The following WWOX variants were observed in gnomAD, a reference collection of about 807,000 sequenced individuals.
WWOX encodes WW domain containing oxidoreductase, also known as WW domain-containing oxidoreductase.
WWOX carries 69 observed loss-of-function variants against 46.2 expected under a neutral mutation model. The observed-to-expected ratio is 1.49, with a 90% CI of 1.23 to 1.82. The LOEUF (loss-of-function observed/expected upper bound fraction) is 1.82, where lower values mean the gene tolerates loss of function less well. WWOX is among the 40% of genes most tolerant of loss of function. The pLI is 0.00. For missense variants in WWOX, 919 were observed against 542.6 expected (o/e 1.69, Z -6.89); for synonymous variants, 359 against 202.6 (o/e 1.77, Z -6.56).
At chr16:79,048,462 A>G (rs780699557) in intron 8 of WWOX, among the ~76,000 whole-genome samples, 108 of 152,146 alleles carry the variant, frequency 7.1e-4, no homozygotes, top group Non-Finnish European at 1.4e-3. Flanking sequence ...ACGTGTGTCT[A>G]TTATGAGCTC....
rs942732753 is a variant in WWOX, at chr16:78,367,386, T to G, written c.517-19474T>G. On this transcript the variant is annotated intron_variant, in intron 5 of 8. Transcript: ENST00000566780. Reference sequence around the variant, plus strand: ...GCCCAACACAAATGTATAAACTTGCTTAAAACATGATGAGATATTTTTTGC... The same window carrying G: ...GCCCAACACAAATGTATAAACTTGCGTAAAACATGATGAGATATTTTTTGC... Among the ~76,000 whole-genome samples, 7 of 142,712 alleles carry G rather than the reference T, an allele frequency of 4.9e-5. 1 individual carries two copies. Among genetic ancestry groups the G allele is most frequent in the Non-Finnish European group, 1.5e-5 (1 of 66,236 alleles). The allele number at this position is 142,712 out of a possible 152,430, so 93.6% of individuals were successfully genotyped here. A position where few individuals can be genotyped will look rare whatever the true frequency, so the allele number is the denominator to read the frequency against.
At chr16:78,815,797 G>C (rs1488761677) in intron 8 of WWOX, among the ~76,000 whole-genome samples, 1 of 152,198 alleles carries the variant, frequency 6.6e-6, no homozygotes, top group Non-Finnish European at 1.5e-5. Context: ...CAGTGTTTCA[G>C]TGACCCTCCT....
intron 5 of WWOX, among the ~76,000 whole-genome samples, chr16:78,208,250 G>C (rs1435053851): frequency 6.6e-6 from 1 of 152,152 alleles, no homozygotes; most frequent in Non-Finnish European, 1.5e-5. Context: ...CCAAAAAGCT[G>C]TCTTTGATAA....
chr16:78,145,671 TCAATC>T (rs1475285421), intron 4 of WWOX, among the ~76,000 whole-genome samples: 2 of 152,102 alleles, frequency 1.3e-5, no homozygotes, highest in African/African-American at 4.8e-5. Flanking sequence ...CTTGCATCCT[TCAATC>T]CAATCACATT....
intron 5 of WWOX, among the ~76,000 whole-genome samples, chr16:78,320,465 C>G (rs369414064): frequency 3.3e-5 from 5 of 152,130 alleles, no homozygotes; most frequent in East Asian, 3.9e-4. Context: ...CTAGCTGTTT[C>G]CAGAAATAGT....
rs527813199 is a variant in WWOX, at chr16:78,991,313, G to A, written c.1057-220295G>A. 2.8e-4 allele frequency among the ~76,000 whole-genome samples: 43 copies of A among 152,298 alleles called. 1 individual carries two copies. Among genetic ancestry groups the A allele is most frequent in the African/African-American group, 7.0e-4 (29 of 41,570 alleles). Reference sequence around the variant, plus strand: ...GAGTCCATGTTAAATCCAGGTCCCAGCCAGGCACAGTGGCTCACGCCTGTA... The same window carrying A: ...GAGTCCATGTTAAATCCAGGTCCCAACCAGGCACAGTGGCTCACGCCTGTA... On this transcript the variant is annotated intron_variant, in intron 8 of 8. Coordinates refer to ENST00000566780, the MANE Select transcript of WWOX (RefSeq NM_016373.4).
intron 8 of WWOX, among the ~76,000 whole-genome samples, chr16:78,847,392 A>G (rs1159921572): frequency 6.6e-6 from 1 of 152,168 alleles, no homozygotes; most frequent in Admixed American, 6.5e-5. Context: ...TCATATATTT[A>G]TAACATATCA....
chr16:78,602,546 C>A (rs201591562), intron 8 of WWOX, among the ~76,000 whole-genome samples: 1 of 152,062 alleles, frequency 6.6e-6, no homozygotes, highest in Non-Finnish European at 1.5e-5. Flanking sequence ...CTCGATAGAT[C>A]TTATTTGGCT....
chr16:78,433,740 C>T (rs1007825977), intron 8 of WWOX, among the ~76,000 whole-genome samples: 4 of 151,390 alleles, frequency 2.6e-5, no homozygotes, highest in Non-Finnish European at 4.4e-5. Context: ...TACACTCATT[C>T]CCACCTGCCA....
chr16:78,628,135 G>T (rs766077629), intron 8 of WWOX, among the ~76,000 whole-genome samples: 1 of 152,194 alleles, frequency 6.6e-6, no homozygotes, highest in South Asian at 2.1e-4. Context: ...CCGAGGATCT[G>T]CTTCCTTTGT....
At chr16:78,899,804 G>A (rs902109013) in intron 8 of WWOX, among the ~76,000 whole-genome samples, 1 of 152,124 alleles carries the variant, frequency 6.6e-6, no homozygotes, top group Non-Finnish European at 1.5e-5. Flanking sequence ...TATTTGTGTT[G>A]TAGCTTGGAA....
intron 8 of WWOX, among the ~76,000 whole-genome samples, chr16:79,196,888 T>C (rs1031550733): frequency 2.0e-5 from 3 of 152,182 alleles, no homozygotes; most frequent in East Asian, 1.9e-4. Context: ...ATCCTGGCAA[T>C]GCATTTCGGG....
chr16:78,674,302 C>G (rs564501693), intron 8 of WWOX, among the ~76,000 whole-genome samples: 174 of 116,570 alleles, frequency 1.5e-3, no homozygotes, highest in African/African-American at 5.2e-3. Context: ...TTTCTTTTTT[C>G]GAGAAAGAGT....
At chr16:79,012,296 A>C (rs978646383) in intron 8 of WWOX, among the ~76,000 whole-genome samples, 2 of 151,968 alleles carry the variant, frequency 1.3e-5, no homozygotes, top group African/African-American at 2.4e-5. Context: ...GCAGTGGTGC[A>C]ATCTCGACTC....
chr16:79,139,425 A>T (rs915703912), intron 8 of WWOX, among the ~76,000 whole-genome samples: 1 of 152,190 alleles, frequency 6.6e-6, no homozygotes, highest in Non-Finnish European at 1.5e-5. Flanking sequence ...CCTGCAGTTA[A>T]TTTGACATCT....
chr16:78,982,935 G>C (rs1330147557), intron 8 of WWOX, among the ~76,000 whole-genome samples: 1 of 152,158 alleles, frequency 6.6e-6, no homozygotes, highest in Non-Finnish European at 1.5e-5. Flanking sequence ...ATTACCCTGA[G>C]CAGATTGCAT....
Position 79,055,745 on chromosome 16 carries a change from G to A in WWOX, c.1057-155863G>A, listed in dbSNP as rs114331782. On this transcript the variant is annotated intron_variant, in intron 8 of 8. Coordinates refer to ENST00000566780, the MANE Select transcript of WWOX (RefSeq NM_016373.4). ...AATTTAATTTTTCTATGTGACCTAT[G>A]GAATCAGCCTATTTTATGGCAGTAC... 5.8e-4 allele frequency among the ~76,000 whole-genome samples: 89 copies of A among 152,256 alleles called. 1 individual carries two copies. The highest frequency in any genetic ancestry group is 2.1e-3 in the African/African-American group (87 of 41,550).
At chr16:78,460,349 A>G (rs2738650) in intron 8 of WWOX, among the ~76,000 whole-genome samples, 42,626 of 152,018 alleles carry the variant, frequency 0.28, 7,266 homozygotes, top group African/African-American at 0.49. Context: ...GTTGTTCTCA[A>G]ACTACTGACC....
intron 8 of WWOX, among the ~76,000 whole-genome samples, chr16:78,945,222 A>G (rs1567666657): frequency 6.6e-6 from 1 of 152,176 alleles, no homozygotes; most frequent in Admixed American, 6.6e-5. Context: ...TTGCCTGTAT[A>G]TGTAGAACAA....
Sources: gnomAD v4.1 joint callset for allele counts (sites outside exome capture counted in the v4.1 genomes callset) on GRCh38, gnomAD v4.1.1 for gene constraint, MANE v1.5 for transcripts, NCBI Gene and HGNC (gene_info 2026-07-23, HGNC 2026-07-21) for gene names.